Variants in SOSTDC1 observed in about 807,000 individuals in gnomAD.
SOSTDC1 encodes the protein sclerostin domain-containing protein 1.
SOSTDC1 carries 7 observed loss-of-function variants against 15.1 expected under a neutral mutation model. The observed-to-expected ratio is 0.46, with a 90% CI of 0.26 to 0.87. The LOEUF is 0.87. Among genes scored for constraint, SOSTDC1 ranks in the 40% least tolerant of loss-of-function variants. The pLI, the probability that SOSTDC1 is intolerant of heterozygous loss-of-function variation, is 0.15. For missense variants in SOSTDC1, 242 were observed against 259.2 expected (o/e 0.93, Z 0.46); for synonymous variants, 94 against 93.2 (o/e 1.01, Z -0.05).
chr7:16,465,150 A>T (rs1781282616), intron 1 of SOSTDC1, among the ~76,000 whole-genome samples: 1 of 152,200 alleles, frequency 6.6e-6, no homozygotes, highest in South Asian at 2.1e-4. Flanking sequence ...GCTATCTAAA[A>T]CAATACTTTT....
At chr7:16,464,703 C>T (rs1022001936) in intron 1 of SOSTDC1, among the ~76,000 whole-genome samples, 2 of 151,756 alleles carry the variant, frequency 1.3e-5, no homozygotes, top group African/African-American at 4.9e-5. Flanking sequence ...CATATGGCCT[C>T]TTCTAAAGGA....
At chr7:16,463,435 C>T (rs12699800) in intron 1 of SOSTDC1, among the ~76,000 whole-genome samples, 76,212 of 151,784 alleles carry the variant, frequency 0.5, 20,630 homozygotes, top group Non-Finnish European at 0.61. Context: ...ATGTGATAGC[C>T]ATTTAAATAT....
At chr7:16,464,295 C>T in intron 1 of SOSTDC1, 8 of 1,533,974 alleles carry the variant, frequency 5.2e-6, no homozygotes, top group Non-Finnish European at 7.1e-6. Flanking sequence ...CTCAGCGTGC[C>T]TGATTCTGCC....
chr7:16,462,657 T>A lies in SOSTDC1; in HGVS notation c.512A>T (p.Gln171Leu). ...AAAGTTGTGACTGGACTCGTTGTGC[T>A]GCCGGGTGTACCTCTTGCACTTGCA... ...TACKCKRYTR[Q>L]HNESSHNFES... is the part of the protein sequence containing the mutation. The change falls in exon 2 of 2, where the codon CAG becomes CTG. Residue 171 changes from glutamine (Q) to leucine (L), a missense_variant. Coordinates refer to ENST00000307068, the MANE Select transcript of SOSTDC1 (RefSeq NM_015464.3). The A allele has an allele frequency of 6.2e-7, 1 of 1,614,256 alleles. No homozygotes were observed. Among genetic ancestry groups the A allele is most frequent in the Non-Finnish European group, 8.5e-7 (1 of 1,180,046 alleles).
intron 1 of SOSTDC1, 21 bp from the exon 2 acceptor site, chr7:16,462,984 T>C (rs2128327252): frequency 6.6e-7 from 1 of 1,515,882 alleles, no homozygotes. Flanking sequence ...CAAAAAAGAA[T>C]GTGCATCAGA....
chr7:16,465,241 C>T (rs1180011268), intron 1 of SOSTDC1, among the ~76,000 whole-genome samples: 4 of 152,162 alleles, frequency 2.6e-5, no homozygotes, highest in Non-Finnish European at 4.4e-5. Flanking sequence ...TTTGATAAAA[C>T]TTCAGTCTGT....
intron 1 of SOSTDC1, chr7:16,464,319 C>T (rs1469989188): frequency 3.2e-6 from 5 of 1,549,854 alleles, no homozygotes; most frequent in Non-Finnish European, 3.5e-6. Context: ...AGCTCACCTT[C>T]CTGCAGCTGC....
chr7:16,465,679 G>T lies in SOSTDC1; in HGVS notation c.-11C>A. 1 of 1,611,644 alleles carries T rather than the reference G, an allele frequency of 6.2e-7. No homozygotes were observed. The highest frequency in any genetic ancestry group is 8.5e-7 in the Non-Finnish European group (1 of 1,177,994). On this transcript the variant is annotated 5_prime_UTR_variant, in exon 1 of 2. Transcript: ENST00000307068. ...GGCAGGAGGAAGCATGGTGAGTAGA[G>T]GATTTGCTTGACTGAAGAGCTGGTT...
chr7:16,464,000 A>G (rs1394145417), intron 1 of SOSTDC1, among the ~76,000 whole-genome samples: 2 of 147,220 alleles, frequency 1.4e-5, no homozygotes, highest in East Asian at 3.9e-4. Flanking sequence ...GCCAACCAGG[A>G]AAAAAAAAAA....
rs1355644157 is a variant in SOSTDC1, at chr7:16,462,360, A to G, written c.*188T>C. On this transcript the variant is annotated 3_prime_UTR_variant, in exon 2 of 2. Transcript: ENST00000307068. ...CATTCATGGATATACCTACATCTTG[A>G]AAAACTTGAAAAGGAAAAACTATTC... 9.8e-6 allele frequency: 6 copies of G among 610,614 alleles called. No homozygotes were observed. The highest frequency in any genetic ancestry group is 1.7e-5 in the Non-Finnish European group (6 of 350,854). 37.8% of individuals were successfully genotyped at this position (610,614 alleles called of 1,614,324 possible).
Position 16,462,389 on chromosome 7 carries a change from A to G in SOSTDC1, c.*159T>C, listed in dbSNP as rs151066633. ...ACTTGAAAAGGAAAAACTATTCCCA[A>G]AGAAGGTCCTGATACTTAAGACAGC... On this transcript the variant is annotated 3_prime_UTR_variant, in exon 2 of 2. Coordinates refer to ENST00000307068, the MANE Select transcript of SOSTDC1 (RefSeq NM_015464.3). The G allele has an allele frequency of 4.2e-4, 303 of 720,132 alleles. 1 individual carries two copies. In the African/African-American group the frequency reaches 5.0e-3, roughly 12 times the overall value. 44.6% of individuals were successfully genotyped at this position (720,132 alleles called of 1,614,324 possible).
intron 1 of SOSTDC1, among the ~76,000 whole-genome samples, chr7:16,463,504 G>T (rs1781246994): frequency 6.6e-6 from 1 of 152,158 alleles, no homozygotes; most frequent in Admixed American, 6.5e-5. Context: ...TTTAGCTGCA[G>T]AGACTCAGAC....
chr7:16,464,337 A>G lies in SOSTDC1; in HGVS notation c.205+1127T>C, dbSNP rs779599634. 3.9e-6 allele frequency: 6 copies of G among 1,550,410 alleles called. No individual in the cohort carries two copies. In the East Asian group the frequency reaches 1.5e-4, roughly 38 times the overall value. ...TCACCTTCCTGCAGCTGCCTCAGGA[A>G]TGCACCTGGAAATAGCCAGAAATAA... On this transcript the variant is annotated intron_variant, in intron 1 of 1. Transcript: ENST00000307068.
intron 1 of SOSTDC1, among the ~76,000 whole-genome samples, chr7:16,463,969 C>T (rs1412181102): frequency 6.6e-6 from 1 of 151,448 alleles, no homozygotes; most frequent in Non-Finnish European, 1.5e-5. Flanking sequence ...CTATAACAAG[C>T]TTGAAAAGAA....
chr7:16,463,794 T>C (rs1781250977), intron 1 of SOSTDC1, among the ~76,000 whole-genome samples: 1 of 152,106 alleles, frequency 6.6e-6, no homozygotes, highest in Non-Finnish European at 1.5e-5. Flanking sequence ...TTCCTGAATA[T>C]TGGTCATGGC....
At position 16,462,610 on chromosome 7, in the gene SOSTDC1, G is replaced by A; in HGVS notation, c.559C>T (p.Pro187Ser). The change falls in exon 2 of 2, where the codon CCA becomes TCA. Residue 187 changes from proline to serine, a missense_variant. Coordinates refer to ENST00000307068, the MANE Select transcript of SOSTDC1 (RefSeq NM_015464.3). ...HNFESMSPAK[P>S]VQHHRERKRA... ...TTCCGCTCTCTGTGATGCTGGACTG[G>A]CTTGGCAGGTGACATGCTCTCAAAG... 6.2e-7 allele frequency: 1 copy of A among 1,614,184 alleles called. No homozygotes were observed. Among genetic ancestry groups the A allele is most frequent in the Non-Finnish European group, 8.5e-7 (1 of 1,180,032 alleles).
Position 16,465,524 on chromosome 7 carries a change from T to A in SOSTDC1, c.145A>T (p.Thr49Ser), listed in dbSNP as rs745557822. The A allele has an allele frequency of 1.9e-6, 3 of 1,614,154 alleles. No homozygotes were observed. Among genetic ancestry groups the A allele is most frequent in the Non-Finnish European group, 8.5e-7 (1 of 1,180,008 alleles). Residue 49 changes from threonine (T) to serine (S), a missense_variant, in exon 1 of 2, where the codon ACG (threonine) becomes TCG (serine). Physicochemically the swap from Thr to Ser is moderately conservative, Grantham distance 58. Transcript: ENST00000307068. ...PVPAHPSSNS[T>S]LNQARNGGRH... ...CCTCCATTTCTGGCTTGATTCAACG[T>A]GCTGTTGCTGCTGGGGTGTGCTGGA...
Position 16,462,105 on chromosome 7 carries a change from A to G in SOSTDC1, c.*443T>C, listed in dbSNP as rs189035239. 1.6e-3 allele frequency: 262 copies of G among 163,186 alleles called. No homozygotes were observed. The highest frequency in any genetic ancestry group is 5.8e-3 in the African/African-American group (240 of 41,686). 10.1% of individuals were successfully genotyped at this position (163,186 alleles called of 1,614,324 possible). On this transcript the variant is annotated 3_prime_UTR_variant, in exon 2 of 2. Transcript: ENST00000307068. ...AACTGTTCCCATGAAGAGTACCAAA[A>G]AAGCACCTTTCTGAAATGTTACTGT...
intron 1 of SOSTDC1, 85 bp from the exon 2 acceptor site, chr7:16,463,048 T>C (rs1781238490): frequency 7.4e-7 from 1 of 1,348,326 alleles, no homozygotes. Context: ...ACAAAAATAA[T>C]AGGCAAATGA....
Sources: allele counts gnomAD v4.1 joint callset (sites outside exome capture counted in the v4.1 genomes callset), GRCh38; gene constraint gnomAD v4.1.1; transcripts MANE v1.5; gene names NCBI Gene and HGNC (gene_info 2026-07-23, HGNC 2026-07-21).